ACACB: variants seen among roughly 807,000 people sequenced by gnomAD.
ACACB encodes acetyl-CoA carboxylase beta.
A neutral mutation model predicts 278.8 loss-of-function variants in ACACB; 209 were observed. The observed-to-expected ratio is 0.75, with a 90% CI of 0.67 to 0.84. ACACB has a LOEUF of 0.84. Ranked by LOEUF, ACACB falls within the 40% of genes least tolerant of loss-of-function variation. The pLI is 0.00. For missense variants in ACACB, 2,850 were observed against 3,269.0 expected (o/e 0.87, Z 3.13); for synonymous variants, 1,174 against 1,285.6 (o/e 0.91, Z 1.86).
chr12:109,158,953 C>T lies in ACACB; in HGVS notation c.654-7908C>T, dbSNP rs576924634. On this transcript the variant is annotated intron_variant, in intron 2 of 52. Transcript: ENST00000338432. ...TCACACCGCTGCACTCCAGCCTGGG[C>T]GACAGAGCAAGACTCCCTTTCGAAA... is the stretch of plus-strand genomic sequence containing the variant. 1.5e-4 allele frequency among the ~76,000 whole-genome samples: 22 copies of T among 149,474 alleles called. No individual in the cohort carries two copies. In the South Asian group the frequency reaches 3.9e-3, roughly 26 times the overall value.
chr12:109,232,780 C>T lies in ACACB; in HGVS notation c.4113C>T (p.Ala1371=). ...PLCQRMGAMV[A]FRRFEDFTRN... ...GCCAGCGCATGGGAGCCATGGTAGC[C>T]TTCAGGAGATTCGAGGACTTCACCA... The change falls in exon 29 of 53, where the codon GCC becomes GCT. Residue 1371 remains alanine (A), a synonymous_variant. Coordinates refer to ENST00000338432, the MANE Select transcript of ACACB (RefSeq NM_001093.4). 1 of 1,614,140 alleles carries T rather than the reference C, an allele frequency of 6.2e-7. No homozygotes were observed. Among genetic ancestry groups the T allele is most frequent in the Non-Finnish European group, 8.5e-7 (1 of 1,180,034 alleles).
intron 2 of ACACB, among the ~76,000 whole-genome samples, chr12:109,158,935 G>A (rs534654250): frequency 1.2e-4 from 18 of 152,154 alleles, no homozygotes; most frequent in Admixed American, 3.9e-4. Context: ...AGATCACACC[G>A]CTGCACTCCA....
chr12:109,166,679 C>CAAAAAAAAAAAAAA lies in ACACB; in HGVS notation c.654-182_654-181insAAAAAAAAAAAAAA, dbSNP rs1225818948. ...AAAAAAAAAAAAAAAAAAAAAAAAC[C>CAAAAAAAAAAAAAA]GAAGGTGCTTCCTGCCCTTGAGCCT... On this transcript the variant is annotated intron_variant, in intron 2 of 52. Transcript: ENST00000338432. Among the ~76,000 whole-genome samples the CAAAAAAAAAAAAAA allele has an allele frequency of 1.4e-4, 3 of 20,844 alleles. 1 individual carries two copies. The highest frequency in any genetic ancestry group is 4.6e-4 in the Non-Finnish European group (3 of 6,542). 13.7% of individuals were successfully genotyped at this position (20,844 alleles called of 152,430 possible).
At chr12:109,183,325 A>G (rs2044544706) in intron 11 of ACACB, among the ~76,000 whole-genome samples, 1 of 151,652 alleles carries the variant, frequency 6.6e-6, no homozygotes, top group East Asian at 1.9e-4. Flanking sequence ...GAAGAATGTC[A>G]TTGGTATTTT....
intron 24 of ACACB, 92 bp downstream of exon 24, chr12:109,217,012 T>C (rs911242844): frequency 2.0e-6 from 3 of 1,479,722 alleles, no homozygotes; most frequent in Non-Finnish European, 2.7e-6. Flanking sequence ...CTGGGTGCGG[T>C]GGCTCATGCC....
intron 2 of ACACB, among the ~76,000 whole-genome samples, chr12:109,152,646 T>TC (rs1357469246): frequency 8.1e-6 from 1 of 123,632 alleles, no homozygotes; most frequent in African/African-American, 4.4e-5. Context: ...CTTTCTTTTT[T>TC]TTTTTTTTTT....
At position 109,209,347 on chromosome 12, in the gene ACACB, C is replaced by T. The variant is rs954256087; in HGVS notation, c.3243C>T (p.Ser1081=). The change falls in exon 21 of 53, where the codon AGC becomes AGT. Residue 1081 remains serine (S), a synonymous_variant. Transcript: ENST00000338432. The part of the protein sequence containing the change: ...NITSVLCQFP[S]QQIATILDCH... ...CCTCGGTGCTGTGCCAGTTCCCCAG[C>T]CAGCAGGTGCGTGCTCCCCTGCCCA... 6.2e-6 allele frequency: 10 copies of T among 1,609,086 alleles called. No individual in the cohort carries two copies. Among genetic ancestry groups the T allele is most frequent in the Non-Finnish European group, 8.5e-6 (10 of 1,177,954 alleles).
At chr12:109,175,160 T>C (rs2044243362) in intron 7 of ACACB, among the ~76,000 whole-genome samples, 1 of 152,206 alleles carries the variant, frequency 6.6e-6, no homozygotes, top group Non-Finnish European at 1.5e-5. Flanking sequence ...TTCCTAACAG[T>C]GGAGTTTCTA....
At chr12:109,209,405 G>A (rs771293165) in intron 21 of ACACB, 52 bp downstream of exon 21, 19 of 1,544,818 alleles carry the variant, frequency 1.2e-5, no homozygotes, top group South Asian at 8.4e-5. Context: ...ACACTGGGCC[G>A]GCTCCCGGTC....
chr12:109,222,599 A>T lies in ACACB; in HGVS notation c.3657A>T (p.Lys1219Asn). ...LTQLSKSEHC[K>N]VALRARQILI... ...AGCTGAGCAAAAGCGAGCACTGCAA[A>T]GTGGCCCTCAGAGCCCGGCAGGTAG... The change falls in exon 25 of 53, where the codon AAA becomes AAT. Residue 1219 changes from lysine to asparagine, a missense_variant. This residue lies in a region of ACACB where 2,265 missense variants were observed against 2,561.3 expected (regional missense o/e 0.88). Coordinates refer to ENST00000338432, the MANE Select transcript of ACACB (RefSeq NM_001093.4). 1 of 1,614,142 alleles carries T rather than the reference A, an allele frequency of 6.2e-7. No homozygotes were observed.
At chr12:109,242,680 A>C in intron 37 of ACACB, 88 bp downstream of exon 37, 1 of 1,491,218 alleles carries the variant, frequency 6.7e-7, no homozygotes, top group Non-Finnish European at 9.2e-7. Context: ...TCTCCTTCTA[A>C]AGACCTAGTC....
Position 109,168,696 on chromosome 12 carries a change from C to T in ACACB, c.925+662C>T, listed in dbSNP as rs578199616. ...AATTAACTGGGTATAGTGGCACGCACCTGTAGTCTCAGCTACTCAGGAAGC... is the reference window on the plus strand; with the variant it reads ...AATTAACTGGGTATAGTGGCACGCATCTGTAGTCTCAGCTACTCAGGAAGC... On this transcript the variant is annotated intron_variant, in intron 4 of 52. Coordinates refer to ENST00000338432, the MANE Select transcript of ACACB (RefSeq NM_001093.4). Among the ~76,000 whole-genome samples, 240 of 152,188 alleles carry T rather than the reference C, an allele frequency of 1.6e-3. 1 individual carries two copies. The highest frequency in any genetic ancestry group is 2.7e-3 in the Non-Finnish European group (185 of 68,016).
chr12:109,262,365 T>G lies in ACACB; in HGVS notation c.6683T>G (p.Val2228Gly). 6.2e-7 allele frequency: 1 copy of G among 1,613,158 alleles called. No homozygotes were observed. The highest frequency in any genetic ancestry group is 8.5e-7 in the Non-Finnish European group (1 of 1,179,508). The change falls in exon 49 of 53, where the codon GTT becomes GGT. Residue 2228 changes from valine to glycine, a missense_variant. Val to Gly is a moderately radical substitution (Grantham distance 109). Coordinates refer to ENST00000338432, the MANE Select transcript of ACACB (RefSeq NM_001093.4). ...MYADKESRGG[V>G]LEPEGTVEIK... is the part of the protein sequence containing the mutation. ...GCCTCTTCTCTTTTAAGGGGTGGTGTTCTGGAACCAGAGGGGACAGTGGAG... is the reference window on the plus strand; with the variant it reads ...GCCTCTTCTCTTTTAAGGGGTGGTGGTCTGGAACCAGAGGGGACAGTGGAG...
At chr12:109,112,936 G>A (rs1272932406), upstream of ACACB, among the ~76,000 whole-genome samples, 1 of 152,198 alleles carries the variant, frequency 6.6e-6, no homozygotes, top group East Asian at 1.9e-4. Context: ...TCACTGCAGA[G>A]AAAGCAGCCG....
intron 1 of ACACB, among the ~76,000 whole-genome samples, chr12:109,123,458 G>A (rs192783877): frequency 0.021 from 3,159 of 151,896 alleles, 45 homozygotes; most frequent in African/African-American, 0.027. Flanking sequence ...TTGGGAGGCC[G>A]AGGCGGGCAG....
At chr12:109,186,172 C>T (rs2044656550) in intron 12 of ACACB, among the ~76,000 whole-genome samples, 1 of 152,052 alleles carries the variant, frequency 6.6e-6, no homozygotes, top group Non-Finnish European at 1.5e-5. Context: ...CTTGAGTGAT[C>T]CACCCGCCTC....
At chr12:109,216,252 TGCTCTGTCGCCCAG>T (rs1311246028) in intron 22 of ACACB, among the ~76,000 whole-genome samples, 2 of 142,590 alleles carry the variant, frequency 1.4e-5, no homozygotes, top group East Asian at 4.2e-4. Flanking sequence ...GACGGAGTCT[TGCTCTGTCGCCCAG>T]GCTGGAGTGC....
At chr12:109,220,807 G>T (rs930279921) in intron 24 of ACACB, among the ~76,000 whole-genome samples, 1 of 152,134 alleles carries the variant, frequency 6.6e-6, no homozygotes, top group African/African-American at 2.4e-5. Context: ...TGTCCGCCTT[G>T]GCCTCCCAAA....
At chr12:109,164,167 T>C (rs1381870999) in intron 2 of ACACB, among the ~76,000 whole-genome samples, 1 of 152,250 alleles carries the variant, frequency 6.6e-6, no homozygotes, top group Non-Finnish European at 1.5e-5. Context: ...ACTCTTGTTC[T>C]AGCAGCCTTG....
Sources: gnomAD v4.1 joint callset for allele counts (sites outside exome capture counted in the v4.1 genomes callset) on GRCh38, gnomAD v4.1.1 for gene constraint, gnomAD v4.1.1 regional missense constraint, MANE v1.5 for transcripts, NCBI Gene and HGNC (gene_info 2026-07-23, HGNC 2026-07-21) for gene names.